Variants in CELF4 observed in about 807,000 individuals in gnomAD.
The protein encoded by CELF4 is CUG-BP- and ETR-3-like factor 4.
CELF4 carries 18 observed loss-of-function variants against 59.9 expected under a neutral mutation model. The observed-to-expected ratio is 0.30, with a 90% CI of 0.21 to 0.45. The LOEUF (loss-of-function observed/expected upper bound fraction) is 0.45. CELF4 is among the 20% of genes least tolerant of loss of function. The pLI is 1.00. For synonymous variants in CELF4, 261 were observed against 267.1 expected, an observed-to-expected ratio of 0.98 and a Z score of 0.22; for missense variants, 456 against 689.0, an observed-to-expected ratio of 0.66 and a Z score of 3.79.
chr18:37,403,164 G>C (rs1317452421), intron 2 of CELF4, among the ~76,000 whole-genome samples: 1 of 152,132 alleles, frequency 6.6e-6, no homozygotes, highest in Non-Finnish European at 1.5e-5. Context: ...AAGAGGGCTG[G>C]GGTTGGGGGA....
chr18:37,269,831 T>TA (rs2090250914), intron 8 of CELF4, among the ~76,000 whole-genome samples: 1 of 152,208 alleles, frequency 6.6e-6, no homozygotes, highest in Non-Finnish European at 1.5e-5. Context: ...TCTGCAGACT[T>TA]AGATTGTGTT....
intron 2 of CELF4, among the ~76,000 whole-genome samples, chr18:37,400,126 C>T (rs2099308349): frequency 6.6e-6 from 1 of 152,136 alleles, no homozygotes; most frequent in African/African-American, 2.4e-5. Flanking sequence ...GGACCTCATC[C>T]AATCAGTTGA....
chr18:37,290,900 GTTTTAT>G (rs973363586), intron 3 of CELF4, among the ~76,000 whole-genome samples: 1 of 152,044 alleles, frequency 6.6e-6, no homozygotes, highest in Non-Finnish European at 1.5e-5. Context: ...ACAATTTTCA[GTTTTAT>G]TTTTATTTTT....
intron 2 of CELF4, among the ~76,000 whole-genome samples, chr18:37,359,704 A>G (rs1301469922): frequency 1.3e-5 from 2 of 152,204 alleles, no homozygotes; most frequent in Non-Finnish European, 2.9e-5. Context: ...ACGTGCCAAC[A>G]TGCCCAGCTA....
intron 1 of CELF4, among the ~76,000 whole-genome samples, chr18:37,528,063 G>A (rs28377574): frequency 1.3e-3 from 196 of 152,280 alleles, no homozygotes; most frequent in African/African-American, 4.5e-3. Flanking sequence ...TGCAGGTGAG[G>A]AAACTGAGGC....
At chr18:37,303,391 T>C (rs958521303) in intron 3 of CELF4, among the ~76,000 whole-genome samples, 2 of 152,182 alleles carry the variant, frequency 1.3e-5, no homozygotes, top group African/African-American at 2.4e-5. Context: ...GTCGTTGAAA[T>C]TGAAAAATGG....
intron 9 of CELF4, 56 bp downstream of exon 9, chr18:37,266,477 G>T: frequency 6.7e-7 from 1 of 1,494,218 alleles, no homozygotes; most frequent in Non-Finnish European, 9.2e-7. Context: ...GGTGTCACAG[G>T]CGTGGAGAGA....
At chr18:37,353,773 T>C (rs146611140) in intron 2 of CELF4, among the ~76,000 whole-genome samples, 1 of 147,428 alleles carries the variant, frequency 6.8e-6, no homozygotes, top group Non-Finnish European at 1.5e-5. Context: ...CTTTCTTTTT[T>C]TTTTTTTTTT....
chr18:37,407,306 A>G (rs1616312), intron 2 of CELF4, among the ~76,000 whole-genome samples: 146,729 of 152,262 alleles, frequency 0.96, 70,949 homozygotes, highest in East Asian at 1. Context: ...GTTCCTGCCA[A>G]GCTCTTTTTA....
chr18:37,460,553 C>A (rs949239530), intron 2 of CELF4, among the ~76,000 whole-genome samples: 1 of 152,194 alleles, frequency 6.6e-6, no homozygotes, highest in African/African-American at 2.4e-5. Context: ...CTATTCCTGT[C>A]CTTTGTTCTT....
intron 3 of CELF4, among the ~76,000 whole-genome samples, chr18:37,299,139 T>G (rs1469783167): frequency 6.6e-6 from 1 of 151,892 alleles, no homozygotes; most frequent in African/African-American, 2.4e-5. Flanking sequence ...TGGGGTGAAC[T>G]CCCTCCCAGG....
chr18:37,499,272 GC>G (rs1437797222), intron 1 of CELF4, among the ~76,000 whole-genome samples: 1 of 152,216 alleles, frequency 6.6e-6, no homozygotes, highest in Non-Finnish European at 1.5e-5. Context: ...TAATGAGCTG[GC>G]AGGGGCCTAG....
chr18:37,357,348 C>A (rs2098608602), intron 2 of CELF4, among the ~76,000 whole-genome samples: 1 of 152,024 alleles, frequency 6.6e-6, no homozygotes, highest in African/African-American at 2.4e-5. Flanking sequence ...TCAGAGGGTG[C>A]AAACCTCAAG....
chr18:37,258,284 AC>A (rs1011303839), intron 11 of CELF4, among the ~76,000 whole-genome samples: 6 of 127,262 alleles, frequency 4.7e-5, no homozygotes, highest in Non-Finnish European at 1.0e-4. Context: ...CATAGTGGAA[AC>A]CCCCCAGCAC....
intron 1 of CELF4, among the ~76,000 whole-genome samples, chr18:37,543,425 G>T (rs1215175946): frequency 6.6e-6 from 1 of 152,198 alleles, no homozygotes; most frequent in East Asian, 1.9e-4. Context: ...GGTTGTTGGT[G>T]GTGGGTGGCA....
chr18:37,471,569 G>A (rs1195548648), intron 2 of CELF4, among the ~76,000 whole-genome samples: 2 of 152,034 alleles, frequency 1.3e-5, no homozygotes, highest in African/African-American at 4.8e-5. Context: ...AGATCCTGCC[G>A]ATCTTGCCCA....
intron 8 of CELF4, among the ~76,000 whole-genome samples, chr18:37,269,477 T>C (rs2154343213): frequency 6.6e-6 from 1 of 152,278 alleles, no homozygotes; most frequent in Admixed American, 6.5e-5. Flanking sequence ...CTTATGTGGT[T>C]GTATAAAGCC....
At chr18:37,504,017 T>C (rs1255677123) in intron 1 of CELF4, among the ~76,000 whole-genome samples, 5 of 151,940 alleles carry the variant, frequency 3.3e-5, no homozygotes, top group Non-Finnish European at 7.4e-5. Context: ...AGGATGGGAG[T>C]TCCTGGAAGA....
rs143326397 is a variant in CELF4, at chr18:37,279,952, C to A, written c.449-4709G>T. Among the ~76,000 whole-genome samples, 408 of 152,348 alleles carry A rather than the reference C, an allele frequency of 2.7e-3. 3 individuals are homozygous for A. The highest frequency in any genetic ancestry group is 9.4e-3 in the African/African-American group (392 of 41,570). Reference sequence around the variant, plus strand: ...ACAAAGCCCTTGCTGCTGCCATCTGCTCTTTTAAATCGTGTCTGTGCCTGC... The same window carrying A: ...ACAAAGCCCTTGCTGCTGCCATCTGATCTTTTAAATCGTGTCTGTGCCTGC... On this transcript the variant is annotated intron_variant, in intron 3 of 12. Transcript: ENST00000420428.
Sources: allele counts gnomAD v4.1 joint callset (sites outside exome capture counted in the v4.1 genomes callset), GRCh38; gene constraint gnomAD v4.1.1; transcripts MANE v1.5; gene names NCBI Gene and HGNC (gene_info 2026-07-23, HGNC 2026-07-21).